CTTNBP2NL: variants seen among roughly 807,000 people sequenced by gnomAD.
CTTNBP2NL encodes CTTNBP2 N-terminal-like protein.
Under a neutral mutation model 32.5 loss-of-function variants are expected in CTTNBP2NL, and 16 were observed. That is an observed-to-expected ratio of 0.49 (90% CI 0.33 to 0.75). The LOEUF (loss-of-function observed/expected upper bound fraction) is 0.75, where lower values mean the gene tolerates loss of function less well. Ranked by LOEUF, CTTNBP2NL falls within the 30% of genes least tolerant of loss-of-function variation. The probability of loss-of-function intolerance (pLI) is 0.02; values close to 1 mark genes in which losing one functional copy is unlikely to be tolerated. For synonymous variants in CTTNBP2NL, 298 were observed against 289.4 expected (o/e 1.03, Z -0.30); for missense variants, 645 against 756.0 (o/e 0.85, Z 1.72).
Position 112,457,066 on chromosome 1 carries a change from A to T in CTTNBP2NL, c.1574A>T (p.Asn525Ile). The T allele has an allele frequency of 1.2e-6, 2 of 1,614,158 alleles. No homozygotes were observed. The highest frequency in any genetic ancestry group is 1.7e-6 in the Non-Finnish European group (2 of 1,180,014). ...QQGPIKPVSP[N>I]SSPFGTDYRN... ...GGGCCAATCAAGCCAGTCTCTCCCA[A>T]CAGCTCTCCCTTTGGCACAGACTAT... The change falls in exon 6 of 6, where the codon AAC becomes ATC. Residue 525 changes from asparagine to isoleucine, a missense_variant. By Grantham distance (149) the Asn-to-Ile change is moderately radical. Transcript: ENST00000271277.
At chr1:112,443,681 C>A (rs1013497403) in intron 3 of CTTNBP2NL, among the ~76,000 whole-genome samples, 1 of 152,154 alleles carries the variant, frequency 6.6e-6, no homozygotes, top group Non-Finnish European at 1.5e-5. Context: ...AATTTTCTCT[C>A]TTTACTGTCA....
chr1:112,429,484 T>C (rs995183564), intron 3 of CTTNBP2NL, among the ~76,000 whole-genome samples: 3 of 152,202 alleles, frequency 2.0e-5, no homozygotes, highest in South Asian at 2.1e-4. Flanking sequence ...TGAATAGCTA[T>C]TGTACTCCAG....
Position 112,423,639 on chromosome 1 carries a change from C to T in CTTNBP2NL, c.99+7375C>T, listed in dbSNP as rs192041187. On this transcript the variant is annotated intron_variant, in intron 3 of 5. Coordinates refer to ENST00000271277, the MANE Select transcript of CTTNBP2NL (RefSeq NM_018704.3). ...CTTAACTGTATCTTAAGAAAAGATA[C>T]TTAACCTTGTCTCATTTCATTCTCT... 1.9e-3 allele frequency among the ~76,000 whole-genome samples: 287 copies of T among 151,810 alleles called. 2 individuals carry two copies. Among genetic ancestry groups the T allele is most frequent in the African/African-American group, 6.4e-3 (268 of 41,570 alleles).
At chr1:112,419,045 A>G (rs1413289894) in intron 3 of CTTNBP2NL, among the ~76,000 whole-genome samples, 1 of 152,160 alleles carries the variant, frequency 6.6e-6, no homozygotes, top group Non-Finnish European at 1.5e-5. Flanking sequence ...ATAAATGGTG[A>G]AATATTACAG....
chr1:112,439,356 C>T (rs1479066000), intron 3 of CTTNBP2NL, among the ~76,000 whole-genome samples: 1 of 152,198 alleles, frequency 6.6e-6, no homozygotes, highest in Non-Finnish European at 1.5e-5. Flanking sequence ...ATAAGGCCCT[C>T]TTCCCAGGAC....
intron 3 of CTTNBP2NL, among the ~76,000 whole-genome samples, chr1:112,422,336 C>T (rs950190864): frequency 3.9e-5 from 6 of 152,080 alleles, no homozygotes; most frequent in African/African-American, 1.4e-4. Flanking sequence ...TTCTTTGTTA[C>T]TTAATAGTGT....
At chr1:112,426,526 T>TA (rs201149112) in intron 3 of CTTNBP2NL, among the ~76,000 whole-genome samples, 4,268 of 145,316 alleles carry the variant, frequency 0.029, 193 homozygotes, top group African/African-American at 0.1. Context: ...ACCCCATCTC[T>TA]AAAAAAAAGA....
At chr1:112,455,258 C>G (rs1557899019) in intron 5 of CTTNBP2NL, among the ~76,000 whole-genome samples, 1 of 152,078 alleles carries the variant, frequency 6.6e-6, no homozygotes, top group African/African-American at 2.4e-5. Context: ...GTAATCCCAG[C>G]ACTTTTGGAG....
intron 2 of CTTNBP2NL, among the ~76,000 whole-genome samples, chr1:112,413,364 T>C (rs1255206287): frequency 2.6e-5 from 4 of 152,232 alleles, no homozygotes; most frequent in Non-Finnish European, 5.9e-5. Context: ...ATAGTGCCTT[T>C]CTTAAATTCT....
In CTTNBP2NL at chr1:112,456,209, A is replaced by G. The variant is rs377257989; in HGVS notation, c.717A>G (p.Leu239=). Residue 239 remains leucine, a synonymous_variant, in exon 6 of 6, where the codon TTA becomes TTG. Transcript: ENST00000271277. The part of the protein sequence containing the change: ...LQTEAQVEKQ[L]SEFDIEREQL... ...CTGAGGCCCAGGTAGAGAAGCAGTT[A>G]TCAGAGTTTGACATCGAAAGGGAAC... The G allele has an allele frequency of 3.5e-5, 56 of 1,614,182 alleles. 2 individuals carry two copies. Among genetic ancestry groups the G allele is most frequent in the Admixed American group, 3.3e-4 (20 of 60,026 alleles).
chr1:112,446,324 C>T (rs1650035072), intron 3 of CTTNBP2NL, among the ~76,000 whole-genome samples: 1 of 151,752 alleles, frequency 6.6e-6, no homozygotes, highest in African/African-American at 2.4e-5. Flanking sequence ...TGTGATCACA[C>T]CATTACACTG....
intron 3 of CTTNBP2NL, among the ~76,000 whole-genome samples, chr1:112,420,303 C>T (rs1321428249): frequency 6.6e-6 from 1 of 151,890 alleles, no homozygotes; most frequent in Non-Finnish European, 1.5e-5. Flanking sequence ...CGCCACCACA[C>T]CCAGCTAATT....
At chr1:112,438,237 T>C (rs1329366955) in intron 3 of CTTNBP2NL, among the ~76,000 whole-genome samples, 1 of 152,220 alleles carries the variant, frequency 6.6e-6, no homozygotes, top group Non-Finnish European at 1.5e-5. Context: ...TGTTTTGTAA[T>C]TCTCATTGTA....
At chr1:112,433,888 C>G (rs1649647115) in intron 3 of CTTNBP2NL, among the ~76,000 whole-genome samples, 1 of 150,136 alleles carries the variant, frequency 6.7e-6, no homozygotes, top group African/African-American at 2.4e-5. Context: ...ACTTATTTTA[C>G]TGAGTCTCCT....
chr1:112,395,313 C>T (rs1570707340), upstream of CTTNBP2NL, among the ~76,000 whole-genome samples: 8 of 152,290 alleles, frequency 5.3e-5, 2 homozygotes, highest in Admixed American at 5.2e-4. Flanking sequence ...AATTCAGAAA[C>T]TTTGACCTTA....
rs551942536 is a variant in CTTNBP2NL at position 112,398,846 on chromosome 1, AT to A, written c.-134+2575del. On this transcript the variant is annotated intron_variant, in intron 1 of 5. Transcript: ENST00000271277. The stretch of plus-strand genomic sequence containing the variant: ...AAAAAAAAAAAAAAAAGTTAAAAAA[AT>A]ATATATGTAATCTGCTAGTTAGAAA... 4.3e-4 allele frequency among the ~76,000 whole-genome samples: 66 copies of A among 151,892 alleles called. No individual in the cohort carries two copies. The East Asian group carries it at 0.011, about 24-fold the overall frequency.
chr1:112,457,330 A>G lies in CTTNBP2NL; in HGVS notation c.1838A>G (p.Glu613Gly). Residue 613 changes from glutamate (E) to glycine (G), a missense_variant, in exon 6 of 6, where the codon GAA becomes GGA. Transcript: ENST00000271277. The part of the protein sequence containing the change: ...HSQAASLTTA[E>G]DLASSCSSNT... The stretch of plus-strand genomic sequence containing the variant: ...CAGGCAGCCTCTTTGACCACTGCAG[A>G]AGACCTTGCCAGCAGCTGCTCTTCC... 2 of 1,614,172 alleles carry G rather than the reference A, an allele frequency of 1.2e-6. No individual in the cohort carries two copies. Among genetic ancestry groups the G allele is most frequent in the Non-Finnish European group, 1.7e-6 (2 of 1,180,014 alleles).
At chr1:112,423,527 C>G (rs933231344) in intron 3 of CTTNBP2NL, among the ~76,000 whole-genome samples, 3 of 151,738 alleles carry the variant, frequency 2.0e-5, no homozygotes, top group African/African-American at 7.3e-5. Flanking sequence ...AATAAAAACC[C>G]AGCCATAATC....
At chr1:112,433,137 T>C (rs1391110918) in intron 3 of CTTNBP2NL, among the ~76,000 whole-genome samples, 1 of 152,178 alleles carries the variant, frequency 6.6e-6, no homozygotes, top group Non-Finnish European at 1.5e-5. Flanking sequence ...CACATACTGT[T>C]CAAAATCTAC....
Sources: allele counts gnomAD v4.1 joint callset (sites outside exome capture counted in the v4.1 genomes callset), GRCh38; gene constraint gnomAD v4.1.1; transcripts MANE v1.5; gene names NCBI Gene and HGNC (gene_info 2026-07-23, HGNC 2026-07-21).